LIN28B: variants seen among roughly 807,000 people sequenced by gnomAD.
LIN28B encodes the protein lin-28 RNA binding posttranscriptional regulator B, also known as protein lin-28 homolog B.
A neutral mutation model predicts 21.9 loss-of-function variants in LIN28B; 5 were observed. The observed-to-expected ratio is 0.23, with a 90% confidence interval of 0.12 to 0.48. The LOEUF (loss-of-function observed/expected upper bound fraction) is 0.48, where lower values mean the gene tolerates loss of function less well. LIN28B is among the 20% of genes least tolerant of loss of function. The pLI is 0.98. For synonymous variants in LIN28B, 109 were observed against 111.3 expected (o/e 0.98, Z 0.13); for missense variants, 245 against 310.5 (o/e 0.79, Z 1.58).
chr6:105,034,280 T>A (rs1200419114), intron 3 of LIN28B, among the ~76,000 whole-genome samples: 1 of 152,018 alleles, frequency 6.6e-6, no homozygotes, highest in Admixed American at 6.6e-5. Context: ...TTCATAATAA[T>A]GCAGTGTTGA....
chr6:105,001,496 G>T (rs535804464), intron 2 of LIN28B, among the ~76,000 whole-genome samples: 1 of 152,100 alleles, frequency 6.6e-6, no homozygotes, highest in Non-Finnish European at 1.5e-5. Flanking sequence ...ACTAATAATC[G>T]CTATTTATAT....
intron 2 of LIN28B, among the ~76,000 whole-genome samples, chr6:104,970,420 A>T (rs925182146): frequency 2.0e-5 from 3 of 152,230 alleles, no homozygotes; most frequent in African/African-American, 7.2e-5. Context: ...AGTTAGTCAC[A>T]GATGGGATTG....
In LIN28B at chr6:105,057,946, A is replaced by G. The variant is rs1772051799; in HGVS notation, c.384-20468A>G. ...ATAGTCTGAATCTGAGCAATTCAAT[A>G]TCTGAACGTTTTGGATCTAATTCTA... is the stretch of plus-strand genomic sequence containing the variant. On this transcript the variant is annotated intron_variant, in intron 3 of 3. Transcript: ENST00000345080. 11 of 246,582 alleles carry G rather than the reference A, an allele frequency of 4.5e-5. No individual in the cohort carries two copies. In the South Asian group the frequency reaches 4.5e-4, roughly 10 times the overall value. 15.3% of individuals were successfully genotyped at this position (246,582 alleles called of 1,614,324 possible).
chr6:105,048,447 C>T (rs551735671), intron 3 of LIN28B, among the ~76,000 whole-genome samples: 3 of 152,224 alleles, frequency 2.0e-5, no homozygotes, highest in Admixed American at 1.3e-4. Flanking sequence ...ATTTTTGCAT[C>T]GATGTTCATC....
At chr6:105,068,846 A>G (rs1019972616) in intron 3 of LIN28B, among the ~76,000 whole-genome samples, 1 of 152,212 alleles carries the variant, frequency 6.6e-6, no homozygotes, top group African/African-American at 2.4e-5. Context: ...GTTTTGAAAA[A>G]TAACATACTT....
chr6:105,055,766 T>G (rs1185852157), intron 3 of LIN28B, among the ~76,000 whole-genome samples: 1 of 152,012 alleles, frequency 6.6e-6, no homozygotes, highest in Non-Finnish European at 1.5e-5. Flanking sequence ...TAGTCTGTCT[T>G]TCTTCCTTCC....
At chr6:104,968,326 T>C (rs1008192844) in intron 2 of LIN28B, among the ~76,000 whole-genome samples, 2 of 152,224 alleles carry the variant, frequency 1.3e-5, no homozygotes, top group Non-Finnish European at 2.9e-5. Context: ...AAAGCAAATA[T>C]TAGTTTTAAA....
Position 105,082,868 on chromosome 6 carries a change from G to A in LIN28B, c.*4085G>A, listed in dbSNP as rs1463689333. On this transcript the variant is annotated 3_prime_UTR_variant, in exon 4 of 4. Coordinates refer to ENST00000345080, the MANE Select transcript of LIN28B (RefSeq NM_001004317.4). ...GAGAGTTACCAGCTTGAAAATGATG[G>A]TGTTGACTACCTCTTGAATCACATC... The A allele has an allele frequency of 6.6e-6, 1 of 152,644 alleles. No homozygotes were observed. The highest frequency in any genetic ancestry group is 6.5e-5 in the Admixed American group (1 of 15,278). The allele number at this position is 152,644 out of a possible 1,614,324, so 9.5% of individuals were successfully genotyped here.
chr6:104,949,230 G>A (rs1424177050), intron 2 of LIN28B, among the ~76,000 whole-genome samples: 3 of 152,142 alleles, frequency 2.0e-5, no homozygotes, highest in South Asian at 2.1e-4. Context: ...TAAGCCAGAT[G>A]TGCAAAATAA....
intron 2 of LIN28B, among the ~76,000 whole-genome samples, chr6:104,980,825 T>A (rs1020023352): frequency 1.3e-5 from 2 of 152,180 alleles, no homozygotes; most frequent in Non-Finnish European, 2.9e-5. Flanking sequence ...GCTGTTCTAC[T>A]CATTTTATCA....
intron 2 of LIN28B, among the ~76,000 whole-genome samples, chr6:104,944,152 GTTGAA>G (rs1778130467): frequency 6.6e-6 from 1 of 151,876 alleles, no homozygotes; most frequent in African/African-American, 2.4e-5. Flanking sequence ...TTTTCACCTA[GTTGAA>G]TTGGAATCAT....
chr6:105,007,886 C>G (rs1345841305), intron 2 of LIN28B, among the ~76,000 whole-genome samples: 2 of 152,158 alleles, frequency 1.3e-5, no homozygotes, highest in African/African-American at 2.4e-5. Flanking sequence ...TCAGGCAATC[C>G]TTTTTGCCTT....
intron 2 of LIN28B, among the ~76,000 whole-genome samples, chr6:104,943,880 G>A (rs1310501065): frequency 6.6e-6 from 1 of 151,984 alleles, no homozygotes; most frequent in Non-Finnish European, 1.5e-5. Flanking sequence ...ATAAGTCTTC[G>A]AATATATGAA....
intron 2 of LIN28B, among the ~76,000 whole-genome samples, chr6:104,966,912 C>T (rs1319252470): frequency 6.6e-5 from 10 of 151,966 alleles, no homozygotes; most frequent in East Asian, 1.9e-4. Flanking sequence ...TGAGCCACCG[C>T]GCCCAACCTC....
At chr6:105,065,823 T>G (rs531511682) in intron 3 of LIN28B, among the ~76,000 whole-genome samples, 4 of 152,178 alleles carry the variant, frequency 2.6e-5, no homozygotes, top group Non-Finnish European at 5.9e-5. Flanking sequence ...ATAAACATTG[T>G]CAAAATGGAA....
intron 3 of LIN28B, among the ~76,000 whole-genome samples, chr6:105,039,316 G>A (rs146559416): frequency 6.6e-6 from 1 of 152,032 alleles, no homozygotes; most frequent in African/African-American, 2.4e-5. Context: ...AGCATTGTTT[G>A]TAGTAACAAA....
chr6:105,058,910 G>A (rs909663489), intron 3 of LIN28B, among the ~76,000 whole-genome samples: 3 of 152,050 alleles, frequency 2.0e-5, no homozygotes, highest in African/African-American at 7.2e-5. Context: ...TTGGACTCTG[G>A]TGATTTTCAA....
chr6:104,940,078 T>A (rs1045920755), intron 2 of LIN28B: 1 of 159,806 alleles, frequency 6.3e-6, no homozygotes, highest in Non-Finnish European at 1.5e-5. Context: ...ACGTTGAGTA[T>A]CTTATTGTTT....
At chr6:105,063,985 T>C (rs575704358) in intron 3 of LIN28B, among the ~76,000 whole-genome samples, 4 of 151,538 alleles carry the variant, frequency 2.6e-5, no homozygotes, top group South Asian at 2.1e-4. Flanking sequence ...TGTTTCAAGA[T>C]ATAGGAAAAA....
Sources: gnomAD v4.1 joint callset for allele counts (sites outside exome capture counted in the v4.1 genomes callset) on GRCh38, gnomAD v4.1.1 for gene constraint, MANE v1.5 for transcripts, NCBI Gene and HGNC (gene_info 2026-07-23, HGNC 2026-07-21) for gene names.